TAFA1: variants seen among roughly 807,000 people sequenced by gnomAD.
TAFA1 encodes the protein TAFA chemokine like family member 1.
A neutral mutation model predicts 18.5 loss-of-function variants in TAFA1; 4 were observed. The observed-to-expected ratio is 0.22, with a 90% CI of 0.11 to 0.49. TAFA1 has a LOEUF of 0.49. Among genes scored for constraint, TAFA1 ranks in the 20% least tolerant of loss-of-function variants. TAFA1 has a pLI of 0.98. For synonymous variants in TAFA1, 56 were observed against 55.2 expected (o/e 1.01, Z -0.06); for missense variants, 147 against 169.0 (o/e 0.87, Z 0.72).
At chr3:68,208,822 C>T (rs1490535033) in intron 2 of TAFA1, among the ~76,000 whole-genome samples, 1 of 151,952 alleles carries the variant, frequency 6.6e-6, no homozygotes, top group African/African-American at 2.4e-5. Context: ...CTAAGATGCC[C>T]CCAAGGTTCT....
intron 2 of TAFA1, among the ~76,000 whole-genome samples, chr3:68,045,482 T>C (rs377643085): frequency 7.9e-5 from 12 of 152,250 alleles, no homozygotes; most frequent in African/African-American, 2.9e-4. Context: ...AGTCAGGAAA[T>C]GTGGGCTCTT....
At chr3:68,320,325 CA>C (rs1360228314) in intron 2 of TAFA1, among the ~76,000 whole-genome samples, 1 of 152,138 alleles carries the variant, frequency 6.6e-6, no homozygotes, top group African/African-American at 2.4e-5. Flanking sequence ...TTCATGCTTT[CA>C]GATATACTCA....
intron 3 of TAFA1, among the ~76,000 whole-genome samples, chr3:68,491,811 T>C (rs997566563): frequency 6.6e-6 from 1 of 152,122 alleles, no homozygotes; most frequent in Non-Finnish European, 1.5e-5. Flanking sequence ...CAGCACAACA[T>C]GGGAAATAGT....
At chr3:68,447,528 C>T (rs1488759360) in intron 3 of TAFA1, among the ~76,000 whole-genome samples, 2 of 152,194 alleles carry the variant, frequency 1.3e-5, no homozygotes, top group Non-Finnish European at 2.9e-5. Flanking sequence ...AGAACCATTG[C>T]TCCAAAACTC....
In TAFA1 at chr3:68,106,387, G is replaced by A. The variant is rs534841144; in HGVS notation, c.118+99643G>A. ...AAAGAGGCTATTGAGCCCTTGAAAC[G>A]TGGTTAGCATAATTGAGGAACTAAA... On this transcript the variant is annotated intron_variant, in intron 2 of 4. Coordinates refer to ENST00000478136, the MANE Select transcript of TAFA1 (RefSeq NM_213609.4). Among the ~76,000 whole-genome samples the A allele has an allele frequency of 3.7e-4, 56 of 152,220 alleles. 1 individual carries two copies. Among genetic ancestry groups the A allele is most frequent in the South Asian group, 6.2e-4 (3 of 4,832 alleles).
chr3:68,090,217 G>T (rs1388158389), intron 2 of TAFA1, among the ~76,000 whole-genome samples: 2 of 152,124 alleles, frequency 1.3e-5, no homozygotes, highest in African/African-American at 4.8e-5. Context: ...ACAAATCCCT[G>T]CAAGATATGT....
chr3:68,523,113 T>C (rs1042620622), intron 3 of TAFA1, among the ~76,000 whole-genome samples: 12 of 151,952 alleles, frequency 7.9e-5, no homozygotes, highest in African/African-American at 2.9e-4. Flanking sequence ...TTGAAAGAAG[T>C]GTATGTGTGT....
chr3:68,332,106 G>A (rs190735735), intron 2 of TAFA1, among the ~76,000 whole-genome samples: 6 of 151,486 alleles, frequency 4.0e-5, no homozygotes, highest in African/African-American at 7.3e-5. Flanking sequence ...CTCGTGATCC[G>A]CCCGCCTCGG....
At chr3:68,371,048 A>C (rs2069696767) in intron 2 of TAFA1, among the ~76,000 whole-genome samples, 1 of 151,576 alleles carries the variant, frequency 6.6e-6, no homozygotes, top group Non-Finnish European at 1.5e-5. Context: ...AGTCAGAAAT[A>C]CTCTATTTTT....
chr3:68,149,578 C>T (rs2065781150), intron 2 of TAFA1, among the ~76,000 whole-genome samples: 1 of 152,122 alleles, frequency 6.6e-6, no homozygotes, highest in South Asian at 2.1e-4. Flanking sequence ...GGGTGTCAGG[C>T]TGTAGTTTAC....
chr3:68,510,625 C>T (rs1342216322), intron 3 of TAFA1, among the ~76,000 whole-genome samples: 4 of 152,060 alleles, frequency 2.6e-5, no homozygotes, highest in Non-Finnish European at 4.4e-5. Flanking sequence ...GGTTATATTG[C>T]ATCTAAAACT....
rs149744116 is a variant in TAFA1 at position 68,066,201 on chromosome 3, A to G, written c.118+59457A>G. Among the ~76,000 whole-genome samples, 32 of 152,300 alleles carry G rather than the reference A, an allele frequency of 2.1e-4. No homozygotes were observed. The East Asian group carries it at 5.8e-3, about 28-fold the overall frequency. ...AATATTTACATTTTATTATATATCA[A>G]TAAAGCCGTATGTGTCATATATGTA... On this transcript the variant is annotated intron_variant, in intron 2 of 4. Coordinates refer to ENST00000478136, the MANE Select transcript of TAFA1 (RefSeq NM_213609.4).
At chr3:68,022,202 C>G (rs955327073) in intron 2 of TAFA1, among the ~76,000 whole-genome samples, 3 of 152,092 alleles carry the variant, frequency 2.0e-5, no homozygotes, top group Admixed American at 6.6e-5. Context: ...TATTGATGTA[C>G]TTGTTTATGT....
chr3:68,221,163 AT>A, intron 2 of TAFA1, among the ~76,000 whole-genome samples: 1 of 152,128 alleles, frequency 6.6e-6, no homozygotes, highest in East Asian at 1.9e-4. Context: ...CCTGTAGACC[AT>A]TTTGGTCCAG....
intron 2 of TAFA1, among the ~76,000 whole-genome samples, chr3:68,402,638 T>A (rs958071658): frequency 6.6e-6 from 1 of 152,200 alleles, no homozygotes; most frequent in African/African-American, 2.4e-5. Flanking sequence ...GCTGTAGATG[T>A]GAGGCACAGC....
intron 3 of TAFA1, among the ~76,000 whole-genome samples, chr3:68,421,386 T>G (rs2070952455): frequency 6.6e-6 from 1 of 152,160 alleles, no homozygotes; most frequent in African/African-American, 2.4e-5. Context: ...TGGGCAAGTC[T>G]ATTGTGTTGC....
chr3:68,261,421 A>G (rs1279193776), intron 2 of TAFA1, among the ~76,000 whole-genome samples: 1 of 152,210 alleles, frequency 6.6e-6, no homozygotes. Context: ...CTGGGTATAT[A>G]CCCAAAGGAT....
At chr3:68,416,240 C>T (rs1286281791) in intron 2 of TAFA1, among the ~76,000 whole-genome samples, 1 of 152,144 alleles carries the variant, frequency 6.6e-6, no homozygotes, top group African/African-American at 2.4e-5. Context: ...TCTCTCCTTC[C>T]TTTCTCCCTC....
At chr3:68,102,837 T>C (rs2065163710) in intron 2 of TAFA1, among the ~76,000 whole-genome samples, 2 of 152,180 alleles carry the variant, frequency 1.3e-5, no homozygotes. Flanking sequence ...AGGGTCCAGC[T>C]CTGGCTTTCT....
Sources: allele counts gnomAD v4.1 joint callset (sites outside exome capture counted in the v4.1 genomes callset), GRCh38; gene constraint gnomAD v4.1.1; transcripts MANE v1.5; gene names NCBI Gene and HGNC (gene_info 2026-07-23, HGNC 2026-07-21).